The following MNAT1 variants were observed in gnomAD, a reference collection of about 807,000 sequenced individuals.
MNAT1 encodes CDK-activating kinase assembly factor MAT1.
A neutral mutation model predicts 42.0 loss-of-function variants in MNAT1; 43 were observed. That is an observed-to-expected ratio of 1.02 (90% CI 0.80 to 1.32). The LOEUF is 1.32. Ranked by LOEUF, MNAT1 falls within the 40% of genes most tolerant of loss-of-function variation. MNAT1 has a pLI of 0.00. For synonymous variants in MNAT1, 118 were observed against 120.0 expected (o/e 0.98, Z 0.11); for missense variants, 306 against 350.4 (o/e 0.87, Z 1.01).
chr14:60,768,130 A>G (rs1314636187), intron 1 of MNAT1, among the ~76,000 whole-genome samples: 6 of 151,604 alleles, frequency 4.0e-5, no homozygotes, highest in African/African-American at 1.5e-4. Context: ...CGAACTCCTG[A>G]CCTCAGGTGA....
intron 7 of MNAT1, among the ~76,000 whole-genome samples, chr14:60,932,186 A>G (rs2035902917): frequency 6.6e-6 from 1 of 151,998 alleles, no homozygotes; most frequent in Admixed American, 6.6e-5. Flanking sequence ...AGTTTAGTCT[A>G]AAATAAGACT....
intron 1 of MNAT1, among the ~76,000 whole-genome samples, chr14:60,758,964 T>C (rs905014932): frequency 2.0e-5 from 3 of 152,208 alleles, no homozygotes; most frequent in Non-Finnish European, 2.9e-5. Context: ...GCACCACGTT[T>C]TCCTCTGGCT....
intron 7 of MNAT1, among the ~76,000 whole-genome samples, chr14:60,926,887 C>A (rs2035778522): frequency 6.6e-6 from 1 of 152,064 alleles, no homozygotes; most frequent in Non-Finnish European, 1.5e-5. Flanking sequence ...CATCCTGAGG[C>A]CATTCAGGAA....
intron 7 of MNAT1, chr14:60,919,175 G>A (rs1328301032): frequency 6.6e-6 from 1 of 152,136 alleles, no homozygotes; most frequent in African/African-American, 2.4e-5. Context: ...AGCTGGAGAG[G>A]ACCAGGAACC....
At chr14:60,874,182 G>A (rs1179040702) in intron 6 of MNAT1, among the ~76,000 whole-genome samples, 1 of 152,062 alleles carries the variant, frequency 6.6e-6, no homozygotes, top group Admixed American at 6.5e-5. Context: ...TTAGTAATAT[G>A]CTGGAGATAA....
At chr14:60,929,614 G>A (rs974245901) in intron 7 of MNAT1, among the ~76,000 whole-genome samples, 2 of 152,004 alleles carry the variant, frequency 1.3e-5, no homozygotes, top group African/African-American at 4.8e-5. Flanking sequence ...CCTAGTATAA[G>A]CAAAGCTTTT....
In MNAT1 at chr14:60,968,081, GATA is replaced by G. The variant is rs147209897; in HGVS notation, c.810-142_810-140del. 5.9e-4 allele frequency: 337 copies of G among 575,152 alleles called. 3 individuals carry two copies. Among genetic ancestry groups the G allele is most frequent in the African/African-American group, 5.8e-3 (306 of 52,494 alleles). The allele number at this position is 575,152 out of a possible 1,614,324, so 35.6% of individuals were successfully genotyped here. On this transcript the variant is annotated intron_variant, in intron 7 of 7. Transcript: ENST00000261245. ...ACAGTTGGTATGTTTCCTTTTGAAA[GATA>G]ATAATCTATTTATAATAAAAGTCTG...
intron 7 of MNAT1, among the ~76,000 whole-genome samples, chr14:60,918,758 T>TATATATATATATATATATATA (rs371722863): frequency 2.1e-5 from 3 of 142,410 alleles, no homozygotes; most frequent in African/African-American, 7.7e-5. Flanking sequence ...ATATATATAT[T>TATATATATATATATATATATA]TTTGTCCTTA....
At chr14:60,917,387 G>A (rs967216983) in intron 7 of MNAT1, among the ~76,000 whole-genome samples, 1 of 152,074 alleles carries the variant, frequency 6.6e-6, no homozygotes, top group Non-Finnish European at 1.5e-5. Context: ...TGAATAAGCA[G>A]TGTATAAAAC....
chr14:60,806,673 A>G (rs1594767440), intron 3 of MNAT1, among the ~76,000 whole-genome samples: 1 of 152,190 alleles, frequency 6.6e-6, no homozygotes, highest in African/African-American at 2.4e-5. Flanking sequence ...CTACTGAAAT[A>G]TACAAAAATT....
chr14:60,833,854 CTTG>C (rs1435962654), intron 6 of MNAT1, among the ~76,000 whole-genome samples: 1 of 152,130 alleles, frequency 6.6e-6, no homozygotes, highest in Non-Finnish European at 1.5e-5. Context: ...CATTTCAGAA[CTTG>C]TTGTTGGTCT....
intron 6 of MNAT1, among the ~76,000 whole-genome samples, chr14:60,838,435 AT>A (rs1053393478): frequency 6.6e-6 from 1 of 151,012 alleles, no homozygotes; most frequent in African/African-American, 2.4e-5. Context: ...CTGAGCCCTG[AT>A]TTTTTTTTCC....
intron 7 of MNAT1, among the ~76,000 whole-genome samples, chr14:60,956,037 C>G (rs941910301): frequency 2.0e-5 from 3 of 151,732 alleles, no homozygotes; most frequent in African/African-American, 7.3e-5. Flanking sequence ...TATTTCCATC[C>G]TGACTGTAAC....
intron 7 of MNAT1, among the ~76,000 whole-genome samples, chr14:60,929,909 C>G (rs2035851356): frequency 6.6e-6 from 1 of 152,090 alleles, no homozygotes; most frequent in African/African-American, 2.4e-5. Context: ...CTGACAGGAA[C>G]CACCCTCTTT....
At chr14:60,822,070 C>A (rs1197106331) in intron 6 of MNAT1, among the ~76,000 whole-genome samples, 2 of 152,132 alleles carry the variant, frequency 1.3e-5, no homozygotes, top group East Asian at 3.8e-4. Flanking sequence ...GTGTTCTTAT[C>A]TTTTAATTTT....
chr14:60,893,394 C>G (rs766420128), intron 7 of MNAT1, among the ~76,000 whole-genome samples: 13 of 151,854 alleles, frequency 8.6e-5, no homozygotes, highest in Non-Finnish European at 1.9e-4. Flanking sequence ...TTCTTAACTC[C>G]TCCTCTTATC....
intron 7 of MNAT1, among the ~76,000 whole-genome samples, chr14:60,935,591 A>G (rs1387262392): frequency 1.3e-5 from 2 of 152,092 alleles, no homozygotes; most frequent in Admixed American, 1.3e-4. Flanking sequence ...TGAGTGTGTT[A>G]TGGGCACATA....
At chr14:60,938,077 G>T (rs1394288430) in intron 7 of MNAT1, among the ~76,000 whole-genome samples, 2 of 152,152 alleles carry the variant, frequency 1.3e-5, no homozygotes, top group Admixed American at 6.5e-5. Context: ...CATTGATTTT[G>T]TATCCTGAGA....
chr14:60,776,403 T>C, intron 1 of MNAT1, among the ~76,000 whole-genome samples: 1 of 151,958 alleles, frequency 6.6e-6, no homozygotes, highest in East Asian at 1.9e-4. Flanking sequence ...GTGAGTGACT[T>C]AAGTGGGATG....
Sources: gnomAD v4.1 joint callset for allele counts (sites outside exome capture counted in the v4.1 genomes callset) on GRCh38, gnomAD v4.1.1 for gene constraint, MANE v1.5 for transcripts, NCBI Gene and HGNC (gene_info 2026-07-23, HGNC 2026-07-21) for gene names.